Variants in GRSF1 observed in about 807,000 individuals in gnomAD.
GRSF1 encodes G-rich RNA sequence binding factor 1, also known as G-rich sequence factor 1.
In GRSF1, 50 loss-of-function variants were observed where a neutral mutation model predicts 51.1. That is an observed-to-expected ratio of 0.98 (90% CI 0.78 to 1.24). The LOEUF (loss-of-function observed/expected upper bound fraction) is 1.24, where lower values mean the gene tolerates loss of function less well. Among genes scored for constraint, GRSF1 ranks in the 50% most tolerant of loss-of-function variants. GRSF1 has a pLI of 0.00. For missense variants in GRSF1, 700 were observed against 639.7 expected, an observed-to-expected ratio of 1.09 and a Z score of -1.02; for synonymous variants, 293 against 253.3, an observed-to-expected ratio of 1.16 and a Z score of -1.49.
rs1375543750 is a variant in GRSF1 at position 70,839,343 on chromosome 4, T to A, written c.357+128A>T. On this transcript the variant is annotated intron_variant, in intron 1 of 9. Transcript: ENST00000254799. The stretch of plus-strand genomic sequence containing the variant: ...GGAGCACAGGGTGGACGGGGGCGGG[T>A]GTGCGGCGAGTGTCGCGGATCCCCG... 7 of 1,502,856 alleles carry A rather than the reference T, an allele frequency of 4.7e-6. No homozygotes were observed. In the Middle Eastern group the frequency reaches 5.1e-4, roughly 111 times the overall value. 93.1% of individuals were successfully genotyped at this position (1,502,856 alleles called of 1,614,324 possible). A position where few individuals can be genotyped will look rare whatever the true frequency, so the allele number is the denominator to read the frequency against.
chr4:70,829,854 C>G (rs907553614), intron 5 of GRSF1, among the ~76,000 whole-genome samples: 1 of 152,010 alleles, frequency 6.6e-6, no homozygotes, highest in Non-Finnish European at 1.5e-5. Flanking sequence ...TCCTGAAACA[C>G]TGGCTTTGGA....
At chr4:70,832,244 A>G (rs2148843442) in intron 4 of GRSF1, 63 bp downstream of exon 4, 1 of 1,417,270 alleles carries the variant, frequency 7.1e-7, no homozygotes, top group Non-Finnish European at 9.9e-7. Flanking sequence ...CATCTAAGAT[A>G]TAGAAGGAGA....
rs1733439809 is a variant in GRSF1 at position 70,819,947 on chromosome 4, A to G, written c.*940T>C. 6.6e-6 allele frequency: 1 copy of G among 152,668 alleles called. No homozygotes were observed. The highest frequency in any genetic ancestry group is 6.5e-5 in the Admixed American group (1 of 15,282). 9.5% of individuals were successfully genotyped at this position (152,668 alleles called of 1,614,324 possible). On this transcript the variant is annotated 3_prime_UTR_variant, in exon 10 of 10. Coordinates refer to ENST00000254799, the MANE Select transcript of GRSF1 (RefSeq NM_002092.4). ...ATACATTAAATGCTATTTTTATTTA[A>G]GCAAGGCACCCCTACTTGTTCTAAA... is the stretch of plus-strand genomic sequence containing the variant.
upstream of GRSF1, among the ~76,000 whole-genome samples, chr4:70,841,142 A>C (rs187968111): frequency 0.017 from 2,543 of 152,216 alleles, 32 homozygotes; most frequent in Middle Eastern, 0.051. Context: ...CAAAAAATAA[A>C]TAAAGCTGGG....
Position 70,818,315 on chromosome 4 carries a change from G to A in GRSF1, c.*2572C>T, listed in dbSNP as rs1733384313. 6.6e-6 allele frequency: 1 copy of A among 152,184 alleles called. No individual in the cohort carries two copies. The highest frequency in any genetic ancestry group is 1.5e-5 in the Non-Finnish European group (1 of 68,044). 9.4% of individuals were successfully genotyped at this position (152,184 alleles called of 1,614,324 possible). A position where few individuals can be genotyped will look rare whatever the true frequency, so the allele number is the denominator to read the frequency against. On this transcript the variant is annotated 3_prime_UTR_variant, in exon 10 of 10. Transcript: ENST00000254799. The stretch of plus-strand genomic sequence containing the variant: ...TTTTAAATTCTGAAACAAACAGGAT[G>A]TAACCCCAAAAAATAACTTTCCAAA...
At chr4:70,830,926 A>C (rs1733940299) in intron 5 of GRSF1, among the ~76,000 whole-genome samples, 1 of 152,216 alleles carries the variant, frequency 6.6e-6, no homozygotes, top group Non-Finnish European at 1.5e-5. Context: ...CATTGAAATT[A>C]TGTAAAAAAA....
Position 70,839,876 on chromosome 4 carries a change from T to A in GRSF1, c.-49A>T. ...CTGAAGGCAGCTGCTCCAGCAGCGA[T>A]GGTGGAACGGAAGTGGAATCCAGGG... On this transcript the variant is annotated 5_prime_UTR_variant, in exon 1 of 10. Coordinates refer to ENST00000254799, the MANE Select transcript of GRSF1 (RefSeq NM_002092.4). 2.1e-6 allele frequency: 3 copies of A among 1,418,104 alleles called. No individual in the cohort carries two copies. The highest frequency in any genetic ancestry group is 2.7e-6 in the Non-Finnish European group (3 of 1,093,482). The allele number at this position is 1,418,104 out of a possible 1,614,324, so 87.8% of individuals were successfully genotyped here. A position where few individuals can be genotyped will look rare whatever the true frequency, so the allele number is the denominator to read the frequency against.
chr4:70,839,780 G>A lies in GRSF1; in HGVS notation c.48C>T (p.Gly16=). ...WVLGALLRGC[G]CNCSSCRRTG... ...TGCGCCGGCAGCTGCTGCAGTTACA[G>A]CCGCAGCCCCGGAGCAGCGCCCCGA... Residue 16 remains glycine (G), a synonymous_variant, in exon 1 of 10, where the codon GGC becomes GGT. Transcript: ENST00000254799. The A allele has an allele frequency of 6.6e-7, 1 of 1,506,256 alleles. No homozygotes were observed. Among genetic ancestry groups the A allele is most frequent in the South Asian group, 1.2e-5 (1 of 82,322 alleles). The allele number at this position is 1,506,256 out of a possible 1,614,324, so 93.3% of individuals were successfully genotyped here.
intron 5 of GRSF1, among the ~76,000 whole-genome samples, chr4:70,829,233 T>C (rs1245826630): frequency 6.6e-6 from 1 of 152,042 alleles, no homozygotes; most frequent in Non-Finnish European, 1.5e-5. Context: ...CTAAGAGTTA[T>C]AAAACTAGCT....
intron 5 of GRSF1, 144 bp downstream of exon 5, chr4:70,831,395 T>G (rs1401027254): frequency 1.6e-6 from 1 of 634,466 alleles, no homozygotes; most frequent in East Asian, 3.3e-5. Context: ...AAATTGTTAA[T>G]CTAAATTATG....
Position 70,816,388 on chromosome 4 carries a change from C to G in GRSF1, c.*4499G>C, listed in dbSNP as rs1733308870. Reference sequence around the variant, plus strand: ...AAAGAAAAAACCTCATCAAATGATACACTTAACATTTATTCACCTTACTGC... The same window carrying G: ...AAAGAAAAAACCTCATCAAATGATAGACTTAACATTTATTCACCTTACTGC... On this transcript the variant is annotated 3_prime_UTR_variant, in exon 10 of 10. Transcript: ENST00000254799. 1 of 148,882 alleles carries G rather than the reference C, an allele frequency of 6.7e-6. No individual in the cohort carries two copies. The highest frequency in any genetic ancestry group is 6.7e-5 in the Admixed American group (1 of 14,878). The allele number at this position is 148,882 out of a possible 1,614,324, so 9.2% of individuals were successfully genotyped here. A position where few individuals can be genotyped will look rare whatever the true frequency, so the allele number is the denominator to read the frequency against.
upstream of GRSF1, chr4:70,840,034 TTGGG>T: frequency 2.0e-6 from 1 of 496,480 alleles, no homozygotes; most frequent in South Asian, 2.8e-5. Flanking sequence ...TGCCCATGGT[TTGGG>T]CGGGGCTGCC....
chr4:70,822,930 A>T (rs1733579297), intron 9 of GRSF1, among the ~76,000 whole-genome samples: 1 of 152,012 alleles, frequency 6.6e-6, no homozygotes, highest in South Asian at 2.1e-4. Flanking sequence ...CCTCATCTCT[A>T]CTAAAAATAC....
At chr4:70,827,823 A>G (rs527540025) in intron 6 of GRSF1, 29 bp downstream of exon 6, 6 of 1,497,728 alleles carry the variant, frequency 4.0e-6, no homozygotes, top group African/African-American at 2.8e-5. Flanking sequence ...GATAGACCCA[A>G]TGAGTCTCAA....
chr4:70,836,285 A>G lies in GRSF1; in HGVS notation c.387T>C (p.Leu129=). The G allele has an allele frequency of 6.3e-7, 1 of 1,595,402 alleles. No individual in the cohort carries two copies. The highest frequency in any genetic ancestry group is 8.5e-7 in the Non-Finnish European group (1 of 1,174,810). Reference sequence around the variant, plus strand: ...CCAATTCATACTCAGGGGGTGGTGGAAGGTCTTCCAGGTAAGTAGTTTTGG... The same window carrying G: ...CCAATTCATACTCAGGGGGTGGTGGGAGGTCTTCCAGGTAAGTAGTTTTGG... The part of the protein sequence containing the change: ...QESKTTYLED[L]PPPPEYELAP... Residue 129 remains leucine, a synonymous_variant, in exon 2 of 10, where the codon CTT becomes CTC. Transcript: ENST00000254799.
chr4:70,823,368 G>A (rs553448309), intron 9 of GRSF1, among the ~76,000 whole-genome samples: 1 of 151,764 alleles, frequency 6.6e-6, no homozygotes, highest in South Asian at 2.1e-4. Context: ...TTGCACTCCA[G>A]CCTGGGCAAC....
chr4:70,818,382 A>C lies in GRSF1; in HGVS notation c.*2505T>G, dbSNP rs1733386910. The C allele has an allele frequency of 6.6e-6, 1 of 152,200 alleles. No homozygotes were observed. Among genetic ancestry groups the C allele is most frequent in the Non-Finnish European group, 1.5e-5 (1 of 68,044 alleles). 9.4% of individuals were successfully genotyped at this position (152,200 alleles called of 1,614,324 possible). A position where few individuals can be genotyped will look rare whatever the true frequency, so the allele number is the denominator to read the frequency against. ...GCTGTTCAGGGCAGAGGACATTAAC[A>C]AGGCATGTTGATTAATAAGCAGATT... On this transcript the variant is annotated 3_prime_UTR_variant, in exon 10 of 10. Coordinates refer to ENST00000254799, the MANE Select transcript of GRSF1 (RefSeq NM_002092.4).
In GRSF1 at chr4:70,827,988, G is replaced by A. The variant is rs12509948; in HGVS notation, c.999C>T (p.Val333=). Reference sequence around the variant, plus strand: ...CGATTTTCTTTCCCTTATAAGAACCGACATGTGTTCGAACTTCATTCCTTC... The same window carrying A: ...CGATTTTCTTTCCCTTATAAGAACCAACATGTGTTCGAACTTCATTCCTTC... ...PSRRNEVRTH[V]GSYKGKKIAS... The change falls in exon 6 of 10, where the codon GTC becomes GTT. Residue 333 remains valine, a synonymous_variant. Coordinates refer to ENST00000254799, the MANE Select transcript of GRSF1 (RefSeq NM_002092.4). 2.9e-5 allele frequency: 47 copies of A among 1,613,228 alleles called. No individual in the cohort carries two copies. In the East Asian group the frequency reaches 3.3e-4, roughly 11 times the overall value.
intron 9 of GRSF1, among the ~76,000 whole-genome samples, 181 bp downstream of exon 9, chr4:70,824,113 G>C (rs1335392298): frequency 6.6e-6 from 1 of 151,772 alleles, no homozygotes; most frequent in Non-Finnish European, 1.5e-5. Context: ...TGGAATTACA[G>C]GCACCCACCA....
Sources: allele counts gnomAD v4.1 joint callset (sites outside exome capture counted in the v4.1 genomes callset), GRCh38; gene constraint gnomAD v4.1.1; transcripts MANE v1.5; gene names NCBI Gene and HGNC (gene_info 2026-07-23, HGNC 2026-07-21).